Variants in PACS1 observed in about 807,000 individuals in gnomAD.
The protein encoded by PACS1 is PACS-1.
Under a neutral mutation model 115.0 loss-of-function variants are expected in PACS1, and 24 were observed. The ratio of observed to expected loss-of-function variants is 0.21; its 90% CI spans 0.15 to 0.29. The LOEUF is 0.29. Ranked by LOEUF, PACS1 falls within the 10% of genes least tolerant of loss-of-function variation. The probability of loss-of-function intolerance (pLI) is 1.00; values close to 1 mark genes in which losing one functional copy is unlikely to be tolerated. For missense variants in PACS1, 838 were observed against 1,251.2 expected, an observed-to-expected ratio of 0.67 and a Z score of 4.98; for synonymous variants, 453 against 504.5, an observed-to-expected ratio of 0.90 and a Z score of 1.37.
chr11:66,139,745 C>T (rs1454074334), intron 1 of PACS1, among the ~76,000 whole-genome samples: 1 of 152,108 alleles, frequency 6.6e-6, no homozygotes, highest in Non-Finnish European at 1.5e-5. Flanking sequence ...TTTATTTATC[C>T]ATTCATCTGT....
chr11:66,197,244 TA>T (rs1854670977), intron 2 of PACS1, among the ~76,000 whole-genome samples: 1 of 152,182 alleles, frequency 6.6e-6, no homozygotes. Context: ...CCAACACTAA[TA>T]TCTCTCTTAA....
intron 2 of PACS1, among the ~76,000 whole-genome samples, chr11:66,202,574 A>G (rs1349360930): frequency 6.6e-6 from 1 of 151,638 alleles, no homozygotes; most frequent in Non-Finnish European, 1.5e-5. Flanking sequence ...ATGAAGGACA[A>G]AACCCATGTG....
chr11:66,155,600 T>C (rs746356928), intron 1 of PACS1, among the ~76,000 whole-genome samples: 1 of 152,174 alleles, frequency 6.6e-6, no homozygotes, highest in Non-Finnish European at 1.5e-5. Flanking sequence ...CTCCAGGTGT[T>C]GGCAAGGATG....
chr11:66,241,632 A>G lies in PACS1; in HGVS notation c.2635A>G (p.Thr879Ala), dbSNP rs749867141. ...TGGCACCATGGCCATGACTGTGGTC[A>G]CCAAAGAAAAGAACAAGAAAGGTAA... is the stretch of plus-strand genomic sequence containing the variant. ...LSGTMAMTVV[T>A]KEKNKKVPTI... is the part of the protein sequence containing the mutation. Residue 879 changes from threonine (T) to alanine (A), a missense_variant, in exon 22 of 24, where the codon ACC becomes GCC. Coordinates refer to ENST00000320580, the MANE Select transcript of PACS1 (RefSeq NM_018026.4). The G allele has an allele frequency of 6.2e-7, 1 of 1,613,872 alleles. No homozygotes were observed. The highest frequency in any genetic ancestry group is 1.1e-5 in the South Asian group (1 of 91,060).
intron 1 of PACS1, among the ~76,000 whole-genome samples, chr11:66,175,767 G>A (rs1859844446): frequency 6.6e-6 from 1 of 152,170 alleles, no homozygotes; most frequent in African/African-American, 2.4e-5. Context: ...GGGTGTGAAT[G>A]GCAATCACAT....
At chr11:66,158,611 G>A (rs983502779) in intron 1 of PACS1, among the ~76,000 whole-genome samples, 1 of 152,190 alleles carries the variant, frequency 6.6e-6, no homozygotes, top group Non-Finnish European at 1.5e-5. Context: ...TGAGGTGGGA[G>A]TATTGCGTGA....
At chr11:66,210,492 C>A in intron 3 of PACS1, 41 bp downstream of exon 3, 1 of 1,354,996 alleles carries the variant, frequency 7.4e-7, no homozygotes, top group Non-Finnish European at 1.1e-6. Flanking sequence ...ATGCTATATC[C>A]TGGCTAGTCC....
chr11:66,099,127 T>A (rs1019168728), intron 1 of PACS1, among the ~76,000 whole-genome samples: 4 of 152,218 alleles, frequency 2.6e-5, no homozygotes, highest in African/African-American at 9.6e-5. Flanking sequence ...CACTGCAACC[T>A]CCGCCTCCAG....
intron 2 of PACS1, among the ~76,000 whole-genome samples, chr11:66,205,259 A>T (rs1280787051): frequency 6.6e-6 from 1 of 152,102 alleles, no homozygotes; most frequent in Admixed American, 6.6e-5. Context: ...TGCTGGGATT[A>T]CAGGCATGAG....
At chr11:66,077,075 T>C (rs368273828) in intron 1 of PACS1, among the ~76,000 whole-genome samples, 17 of 152,170 alleles carry the variant, frequency 1.1e-4, no homozygotes, top group African/African-American at 4.1e-4. Context: ...TTACCCCTTA[T>C]AGATGTTCAC....
At chr11:66,224,195 C>CAA (rs71036281) in intron 10 of PACS1, among the ~76,000 whole-genome samples, 867 of 80,414 alleles carry the variant, frequency 0.011, 23 homozygotes, top group Non-Finnish European at 0.014. Flanking sequence ...GACTCCATCT[C>CAA]AAAAAAAAAA....
At chr11:66,178,644 A>T (rs1028946918) in intron 1 of PACS1, among the ~76,000 whole-genome samples, 1 of 152,162 alleles carries the variant, frequency 6.6e-6, no homozygotes, top group Non-Finnish European at 1.5e-5. Context: ...AAATTAAAAT[A>T]AAAATGGATG....
At chr11:66,187,868 T>A (rs1221027393) in intron 1 of PACS1, among the ~76,000 whole-genome samples, 1 of 152,194 alleles carries the variant, frequency 6.6e-6, no homozygotes, top group Non-Finnish European at 1.5e-5. Flanking sequence ...TTTGTAGTTT[T>A]TTGAAGGAAC....
chr11:66,205,618 A>G (rs773268706), intron 2 of PACS1, among the ~76,000 whole-genome samples: 5 of 151,064 alleles, frequency 3.3e-5, no homozygotes, highest in African/African-American at 4.9e-5. Flanking sequence ...CATCCAAGAA[A>G]CCCCAACAAA....
rs1484920420 is a variant in PACS1 at position 66,238,829 on chromosome 11, ACT to A, written c.2280_2281del (p.Pro761LeufsTer52). 6.3e-7 allele frequency: 1 copy of A among 1,585,186 alleles called. No homozygotes were observed. The highest frequency in any genetic ancestry group is 8.6e-7 in the Non-Finnish European group (1 of 1,163,942). ...GTGGTGAAGGTGGGTCTGGTTGAAG[ACT>A]CTCCCTCCACAGCAGGTGAGGCTGG... On this transcript the variant is annotated frameshift_variant, in exon 20 of 24. Coordinates refer to ENST00000320580, the MANE Select transcript of PACS1 (RefSeq NM_018026.4). LOFTEE classifies it high-confidence loss of function.
intron 1 of PACS1, among the ~76,000 whole-genome samples, chr11:66,106,347 A>G (rs1449490484): frequency 6.6e-6 from 1 of 152,114 alleles, no homozygotes; most frequent in Non-Finnish European, 1.5e-5. Flanking sequence ...TGAGGTGGGC[A>G]GATCACTTGA....
chr11:66,117,955 A>T (rs896222726), intron 1 of PACS1, among the ~76,000 whole-genome samples: 11 of 152,184 alleles, frequency 7.2e-5, no homozygotes, highest in African/African-American at 2.7e-4. Flanking sequence ...TTGTGGCTTT[A>T]AATTATTTGA....
intron 2 of PACS1, among the ~76,000 whole-genome samples, chr11:66,207,241 C>T (rs1348303650): frequency 6.6e-6 from 1 of 152,058 alleles, no homozygotes; most frequent in Admixed American, 6.6e-5. Context: ...CCAAGGGGAG[C>T]GGATAACTTG....
chr11:66,236,004 C>A lies in PACS1; in HGVS notation c.2250+64C>A. ...CTCCTGGTCTTCCTGTTCCCCCTTA[C>A]ACAGGAAAACAAAAGATTCATCTAG... is the stretch of plus-strand genomic sequence containing the variant. On this transcript the variant is annotated intron_variant, in intron 19 of 23. Transcript: ENST00000320580. This position sits in a 1 kb window ranked among gnomAD's most constrained non-coding sequence, Gnocchi z 4.2. The A allele has an allele frequency of 1.4e-6, 2 of 1,410,082 alleles. No individual in the cohort carries two copies. Among genetic ancestry groups the A allele is most frequent in the South Asian group, 1.2e-5 (1 of 86,946 alleles). 87.3% of individuals were successfully genotyped at this position (1,410,082 alleles called of 1,614,324 possible).
Sources: gnomAD v4.1 joint callset for allele counts (sites outside exome capture counted in the v4.1 genomes callset) on GRCh38, gnomAD v4.1.1 for gene constraint, Gnocchi (gnomAD v3.1) non-coding constraint, MANE v1.5 for transcripts, NCBI Gene and HGNC (gene_info 2026-07-23, HGNC 2026-07-21) for gene names.